ARHGAP39: variants seen among roughly 807,000 people sequenced by gnomAD.
ARHGAP39 encodes rho GTPase-activating protein 39.
A neutral mutation model predicts 106.9 loss-of-function variants in ARHGAP39; 44 were observed. The observed-to-expected ratio is 0.41, with a 90% CI of 0.32 to 0.53. The LOEUF (loss-of-function observed/expected upper bound fraction) is 0.53. ARHGAP39 is among the 20% of genes least tolerant of loss of function. The pLI is 0.21. For missense variants in ARHGAP39, 1,496 were observed against 1,577.3 expected, an observed-to-expected ratio of 0.95 and a Z score of 0.87; for synonymous variants, 768 against 693.2, an observed-to-expected ratio of 1.11 and a Z score of -1.69.
Position 144,684,299 on chromosome 8 carries a change from C to T in ARHGAP39, c.-82+1387G>A, listed in dbSNP as rs1054702941. Reference sequence around the variant, plus strand: ...CCACACCTCCTATCAAATCGCCTTTCCCTCCCCCGGCGCGAGAATCGCACC... The same window carrying T: ...CCACACCTCCTATCAAATCGCCTTTTCCTCCCCCGGCGCGAGAATCGCACC... On this transcript the variant is annotated intron_variant, in intron 1 of 11. Coordinates refer to ENST00000377307, the MANE Select transcript of ARHGAP39 (RefSeq NM_025251.3). This position sits in a 1 kb window ranked among gnomAD's most constrained non-coding sequence, Gnocchi z 4.4. 7.9e-5 allele frequency among the ~76,000 whole-genome samples: 12 copies of T among 152,234 alleles called. No homozygotes were observed. The highest frequency in any genetic ancestry group is 7.8e-4 in the Admixed American group (12 of 15,290).
At position 144,684,181 on chromosome 8, in the gene ARHGAP39, C is replaced by T. The variant is rs1445743017; in HGVS notation, c.-82+1505G>A. On this transcript the variant is annotated intron_variant, in intron 1 of 11. Coordinates refer to ENST00000377307, the MANE Select transcript of ARHGAP39 (RefSeq NM_025251.3). The surrounding 1 kb of genome is among the most constrained non-coding windows in gnomAD (Gnocchi z 4.4). ...AGCTGGCTACACCAAGTGCAGGGAGCGAGGCGCCACCCCCATTCATTCACT... is the reference window on the plus strand; with the variant it reads ...AGCTGGCTACACCAAGTGCAGGGAGTGAGGCGCCACCCCCATTCATTCACT... Among the ~76,000 whole-genome samples, 6 of 152,190 alleles carry T rather than the reference C, an allele frequency of 3.9e-5. No individual in the cohort carries two copies. The highest frequency in any genetic ancestry group is 8.8e-5 in the Non-Finnish European group (6 of 68,034).
At chr8:144,688,652 G>T (rs920713262), upstream of ARHGAP39, among the ~76,000 whole-genome samples, 7 of 152,208 alleles carry the variant, frequency 4.6e-5, no homozygotes, top group African/African-American at 1.7e-4. Context: ...AGCCTGGGAA[G>T]GTCGAGGCTG....
intron 1 of ARHGAP39, among the ~76,000 whole-genome samples, chr8:144,607,073 C>A (rs1820319681): frequency 6.7e-6 from 1 of 149,948 alleles, no homozygotes; most frequent in Non-Finnish European, 1.5e-5. Flanking sequence ...TGTGTGTAAT[C>A]TGACAAAGGG....
At position 144,609,392 on chromosome 8, in the gene ARHGAP39, T is replaced by C. The variant is rs140583788; in HGVS notation, c.-81-3697A>G. Among the ~76,000 whole-genome samples, 574 of 151,280 alleles carry C rather than the reference T, an allele frequency of 3.8e-3. 10 individuals carry two copies. Among genetic ancestry groups the C allele is most frequent in the African/African-American group, 0.013 (528 of 41,174 alleles). The stretch of plus-strand genomic sequence containing the variant: ...ATAAATGCCAATTGGTCACGATGTA[T>C]TGTCCTTTTTTTTTTTTTTTTTTTT... On this transcript the variant is annotated intron_variant, in intron 1 of 11. Coordinates refer to ENST00000377307, the MANE Select transcript of ARHGAP39 (RefSeq NM_025251.3).
At chr8:144,593,790 G>A (rs1325437159) in intron 2 of ARHGAP39, among the ~76,000 whole-genome samples, 3 of 151,748 alleles carry the variant, frequency 2.0e-5, no homozygotes, top group Admixed American at 1.3e-4. Context: ...ATCCTGTCTC[G>A]AAAAGAAAAA....
At chr8:144,627,285 G>A (rs567097028) in intron 1 of ARHGAP39, among the ~76,000 whole-genome samples, 22 of 152,300 alleles carry the variant, frequency 1.4e-4, no homozygotes, top group African/African-American at 5.1e-4. Flanking sequence ...GCCGGGCGCG[G>A]TGGCTCATGC....
At chr8:144,537,958 G>T in intron 6 of ARHGAP39, 145 bp from the exon 7 acceptor site, 1 of 694,440 alleles carries the variant, frequency 1.4e-6, no homozygotes, top group Non-Finnish European at 2.4e-6. Flanking sequence ...GTTTCTGGGG[G>T]GACGTGGCTG....
In ARHGAP39 at chr8:144,605,141, A is replaced by AC. The variant is rs1479234918; in HGVS notation, c.80+393_80+394insG. 1.2e-3 allele frequency among the ~76,000 whole-genome samples: 184 copies of AC among 152,282 alleles called. 1 individual carries two copies. Among genetic ancestry groups the AC allele is most frequent in the African/African-American group, 4.2e-3 (175 of 41,574 alleles). Reference sequence around the variant, plus strand: ...GCTAGACGTGGTGGTGCACACCTGCAGTCCCAGCTACTTGGGAGGTGAGGT... The same window carrying AC: ...GCTAGACGTGGTGGTGCACACCTGCACGTCCCAGCTACTTGGGAGGTGAGGT... On this transcript the variant is annotated intron_variant, in intron 2 of 11. Transcript: ENST00000377307.
At chr8:144,689,746 T>A (rs1822706306), upstream of ARHGAP39, among the ~76,000 whole-genome samples, 1 of 150,266 alleles carries the variant, frequency 6.7e-6, no homozygotes, top group Non-Finnish European at 1.5e-5. Flanking sequence ...GACTAATTTT[T>A]TTTTTTTTTT....
intron 3 of ARHGAP39, among the ~76,000 whole-genome samples, chr8:144,567,554 C>CTG: frequency 6.6e-6 from 1 of 152,284 alleles, no homozygotes; most frequent in African/African-American, 2.4e-5. Context: ...GAGGGCCTGA[C>CTG]ATCAGTCAGG....
intron 1 of ARHGAP39, among the ~76,000 whole-genome samples, chr8:144,606,359 T>G (rs879831720): frequency 7.9e-5 from 12 of 152,168 alleles, no homozygotes; most frequent in Admixed American, 7.9e-4. Context: ...CCCTTCCTCT[T>G]CCTTCTCCTC....
intron 3 of ARHGAP39, among the ~76,000 whole-genome samples, chr8:144,558,017 AC>A (rs1323884995): frequency 2.0e-5 from 3 of 152,250 alleles, no homozygotes; most frequent in Non-Finnish European, 4.4e-5. Context: ...GACCTCACTT[AC>A]GTACCACCTG....
Position 144,580,904 on chromosome 8 carries a change from A to T in ARHGAP39, c.454T>A (p.Leu152Met), listed in dbSNP as rs758500102. The change falls in exon 3 of 12, where the codon TTG becomes ATG. Residue 152 changes from leucine to methionine, a missense_variant. Leu to Met is a conservative substitution (Grantham distance 15, BLOSUM62 2). Transcript: ENST00000377307. ...PEPDTEKAQE[L>M]PARAGRPAAF... ...GCGGGCCGCCCGGCCCTCGCTGGCA[A>T]CTCCTGCGCTTTCTCAGTGTCGGGC... 1.9e-6 allele frequency: 3 copies of T among 1,599,000 alleles called. No individual in the cohort carries two copies. The Admixed American group carries it at 5.1e-5, about 27-fold the overall frequency.
At chr8:144,601,422 G>A (rs1351087932) in intron 2 of ARHGAP39, among the ~76,000 whole-genome samples, 12 of 133,286 alleles carry the variant, frequency 9.0e-5, no homozygotes, top group African/African-American at 1.7e-4. Context: ...GCATGGAGGC[G>A]TGCGTGCGTG....
intron 7 of ARHGAP39, among the ~76,000 whole-genome samples, chr8:144,534,700 G>A (rs945111393): frequency 6.6e-6 from 1 of 152,222 alleles, no homozygotes; most frequent in Non-Finnish European, 1.5e-5. Context: ...GCCCAGCTCT[G>A]CTGCAGCCCT....
At chr8:144,545,905 C>T (rs1396591416) in intron 5 of ARHGAP39, 95 bp from the exon 6 acceptor site, 16 of 1,186,362 alleles carry the variant, frequency 1.3e-5, no homozygotes, top group Non-Finnish European at 1.6e-5. Flanking sequence ...TGAGCTGGGG[C>T]CCCACCAGAG....
At chr8:144,681,128 G>C (rs1239716729) in intron 1 of ARHGAP39, among the ~76,000 whole-genome samples, 1 of 152,152 alleles carries the variant, frequency 6.6e-6, no homozygotes, top group Non-Finnish European at 1.5e-5. Flanking sequence ...GTCAGGGTCA[G>C]ACTCAACCTC....
chr8:144,548,410 C>T lies in ARHGAP39; in HGVS notation c.676G>A (p.Ala226Thr), dbSNP rs770008645. The T allele has an allele frequency of 5.6e-6, 9 of 1,610,610 alleles. No individual in the cohort carries two copies. Among genetic ancestry groups the T allele is most frequent in the Middle Eastern group, 1.7e-4 (1 of 6,052 alleles). Residue 226 changes from alanine to threonine, a missense_variant, in exon 5 of 12, where the codon GCC (alanine) becomes ACC (threonine). By Grantham distance (58) the Ala-to-Thr change is moderately conservative. Coordinates refer to ENST00000377307, the MANE Select transcript of ARHGAP39 (RefSeq NM_025251.3). The surrounding 1 kb of genome is among the most constrained non-coding windows in gnomAD (Gnocchi z 7.4). ...GGGGCGTAGCCATTGCCCTGGGCGGCGAGGAAGCTGGGCTCCCGATCAGCG... is the reference window on the plus strand; with the variant it reads ...GGGGCGTAGCCATTGCCCTGGGCGGTGAGGAAGCTGGGCTCCCGATCAGCG... ...KVADREPSFLAAQGNGYAPDG... is the reference protein window; with the variant it reads ...KVADREPSFLTAQGNGYAPDG...
chr8:144,689,598 G>A (rs778208327), upstream of ARHGAP39, among the ~76,000 whole-genome samples: 28 of 145,736 alleles, frequency 1.9e-4, no homozygotes, highest in Admixed American at 6.2e-4. Context: ...CACCACACCC[G>A]GCTAATTTTT....
Sources: allele counts gnomAD v4.1 joint callset (sites outside exome capture counted in the v4.1 genomes callset), GRCh38; gene constraint gnomAD v4.1.1; non-coding constraint Gnocchi (gnomAD v3.1); transcripts MANE v1.5; gene names NCBI Gene and HGNC (gene_info 2026-07-23, HGNC 2026-07-21).